CHD8: variants seen among roughly 807,000 people sequenced by gnomAD.
CHD8 encodes the protein chromodomain helicase DNA binding protein 8, also known as ATP-dependent chromatin remodeler CHD8.
Under a neutral mutation model 279.2 loss-of-function variants are expected in CHD8, and 31 were observed. That is an observed-to-expected ratio of 0.11 (90% CI 0.08 to 0.15). The LOEUF (loss-of-function observed/expected upper bound fraction) is 0.15, where lower values mean the gene tolerates loss of function less well. Among genes scored for constraint, CHD8 ranks in the 10% least tolerant of loss-of-function variants. The pLI, the probability that CHD8 is intolerant of heterozygous loss-of-function variation, is 1.00. For synonymous variants in CHD8, 1,081 were observed against 1,139.6 expected, an observed-to-expected ratio of 0.95 and a Z score of 1.04; for missense variants, 2,146 against 3,230.5, an observed-to-expected ratio of 0.66 and a Z score of 8.14.
chr14:21,450,044 G>T (rs543665110), intron 1 of CHD8, among the ~76,000 whole-genome samples: 4 of 152,178 alleles, frequency 2.6e-5, no homozygotes, highest in Admixed American at 6.5e-5. Context: ...CTGAGTAGAA[G>T]AAATGAAAAA....
chr14:21,434,265 G>A (rs1019674432), intron 1 of CHD8, among the ~76,000 whole-genome samples: 10 of 151,848 alleles, frequency 6.6e-5, no homozygotes, highest in African/African-American at 2.4e-4. Flanking sequence ...GACTGGTCTC[G>A]GACTCTCGAC....
rs549680918 is a variant in CHD8, at chr14:21,412,961, C to T, written c.2178G>A (p.Val726=). The change falls in exon 10 of 38, where the codon GTG becomes GTA. Residue 726 remains valine, a synonymous_variant. Transcript: ENST00000646647. The part of the protein sequence containing the change: ...EEPFNPDYVE[V]DRILDESHSI... ...TGTGAGACTCATCCAATATCCTATC[C>T]ACCTCTACGTAGTCTGGATTAAAGG... 1 of 1,611,120 alleles carries T rather than the reference C, an allele frequency of 6.2e-7. No individual in the cohort carries two copies. Among genetic ancestry groups the T allele is most frequent in the East Asian group, 2.2e-5 (1 of 44,868 alleles).
chr14:21,453,038 G>A (rs751954765), intron 1 of CHD8, among the ~76,000 whole-genome samples: 4 of 151,502 alleles, frequency 2.6e-5, no homozygotes, highest in African/African-American at 4.9e-5. Flanking sequence ...GCTGGGTGTG[G>A]TGGCCCACAC....
Position 21,428,046 on chromosome 14 carries a change from C to T in CHD8, c.1424G>A (p.Arg475His), listed in dbSNP as rs2139531622. The T allele has an allele frequency of 1.9e-6, 3 of 1,614,042 alleles. No individual in the cohort carries two copies. The highest frequency in any genetic ancestry group is 1.3e-5 in the African/African-American group (1 of 75,046). The change falls in exon 4 of 38, where the codon CGC (arginine) becomes CAC (histidine). Residue 475 changes from arginine (R) to histidine (H), a missense_variant. By Grantham distance (29) the Arg-to-His change is conservative. Around this residue, in one of 26 missense-constraint regions of CHD8, gnomAD observed 14 missense variants for 42.4 expected, o/e 0.33. Transcript: ENST00000646647. ...GACTCGAGGTATGTTCTGCTCACCG[C>T]GGGCACGGGCTCTCGCAATGGCCTC... ...VAEAIARARA[R>H]GEQNIPRVLN...
chr14:21,403,290 C>A lies in CHD8; in HGVS notation c.3519-78G>T. 1.4e-6 allele frequency: 2 copies of A among 1,407,436 alleles called. No homozygotes were observed. The highest frequency in any genetic ancestry group is 2.3e-5 in the East Asian group (1 of 43,042). The allele number at this position is 1,407,436 out of a possible 1,614,324, so 87.2% of individuals were successfully genotyped here. ...CAAAACAGCAGGCTAGGATCAATAC[C>A]AGTACTCCCATATCAAAGCTGGTCA... is the stretch of plus-strand genomic sequence containing the variant. On this transcript the variant is annotated intron_variant, in intron 17 of 37. Coordinates refer to ENST00000646647, the MANE Select transcript of CHD8 (RefSeq NM_001170629.2). This position sits in a 1 kb window ranked among gnomAD's most constrained non-coding sequence, Gnocchi z 4.3.
chr14:21,407,565 AT>A (rs1286194851), intron 13 of CHD8, among the ~76,000 whole-genome samples: 18 of 152,236 alleles, frequency 1.2e-4, no homozygotes, highest in African/African-American at 4.1e-4. Flanking sequence ...ACGATGGATA[AT>A]TCCAATTTTG....
chr14:21,453,282 C>A (rs1268622537), intron 1 of CHD8, among the ~76,000 whole-genome samples: 1 of 151,820 alleles, frequency 6.6e-6, no homozygotes, highest in African/African-American at 2.4e-5. Flanking sequence ...ATGGTGAAAC[C>A]CCGTCTCTAC....
Position 21,389,691 on chromosome 14 carries a change from A to C in CHD8, c.7182+1256T>G, listed in dbSNP as rs117992994. On this transcript the variant is annotated intron_variant, in intron 37 of 37. Transcript: ENST00000646647. The stretch of plus-strand genomic sequence containing the variant: ...TAGCCAAGAGAAACTTTTGCAGTTG[A>C]AATTTGGTGGAAAGAATAAACTGTG... Among the ~76,000 whole-genome samples, 727 of 152,366 alleles carry C rather than the reference A, an allele frequency of 4.8e-3. 4 individuals carry two copies. The highest frequency in any genetic ancestry group is 0.012 in the Admixed American group (184 of 15,302).
intron 1 of CHD8, among the ~76,000 whole-genome samples, chr14:21,444,476 T>C (rs1452020436): frequency 6.6e-6 from 1 of 152,184 alleles, no homozygotes; most frequent in African/African-American, 2.4e-5. Context: ...TTCTAGAGTC[T>C]GAAGATCATG....
chr14:21,415,946 T>A (rs375370633), intron 5 of CHD8, 39 bp from the exon 6 acceptor site: 77 of 1,533,928 alleles, frequency 5.0e-5, no homozygotes, highest in Middle Eastern at 1.7e-4. Context: ...TAGTTAGGTC[T>A]CTCACAGAGA....
At position 21,397,814 on chromosome 14, in the gene CHD8, A is replaced by C. The variant is rs374072718; in HGVS notation, c.5051+9T>G. The C allele has an allele frequency of 4.1e-5, 66 of 1,612,688 alleles. No homozygotes were observed. Among genetic ancestry groups the C allele is most frequent in the Non-Finnish European group, 5.5e-5 (65 of 1,179,216 alleles). ...TTAGAGTTTTAAAAGAACAAATACT[A>C]ATGCTTACCCTTCTACTATGTCAGA... On this transcript the variant is annotated intron_variant, in intron 27 of 37. Transcript: ENST00000646647.
At chr14:21,390,814 G>A (rs1887498764) in intron 37 of CHD8, 133 bp downstream of exon 37, 2 of 575,234 alleles carry the variant, frequency 3.5e-6, no homozygotes, top group Admixed American at 3.0e-5. Flanking sequence ...CCTTATTGGT[G>A]AACTCAAGAT....
chr14:21,397,346 G>A (rs547338530), intron 27 of CHD8: 1 of 518,924 alleles, frequency 1.9e-6, no homozygotes, highest in Admixed American at 1.9e-5. Flanking sequence ...ACCCAAACCA[G>A]GGCAACACTG....
chr14:21,438,942 C>T (rs1313463229), intron 1 of CHD8, among the ~76,000 whole-genome samples: 1 of 152,138 alleles, frequency 6.6e-6, no homozygotes, highest in African/African-American at 2.4e-5. Flanking sequence ...GCTTGGCCAA[C>T]ATAGCGAAAC....
chr14:21,432,924 A>C (rs1411066270), intron 1 of CHD8, among the ~76,000 whole-genome samples: 2 of 152,180 alleles, frequency 1.3e-5, no homozygotes, highest in Non-Finnish European at 2.9e-5. Flanking sequence ...CAAATTGTAA[A>C]AAGTTGCCCA....
In CHD8 at chr14:21,394,019, G is replaced by A. The variant is rs1887661881; in HGVS notation, c.5776C>T (p.Pro1926Ser). The stretch of plus-strand genomic sequence containing the variant: ...AGAAGCTCCCCATCATGCCGAACAG[G>A]CTCCCACCATTTGGGCAATTCAGGA... ...PGPELPKWWEPVRHDGELLRG... is the reference protein window; with the variant it reads ...PGPELPKWWESVRHDGELLRG... The change falls in exon 32 of 38, where the codon CCT (proline) becomes TCT (serine). Residue 1926 changes from proline (P) to serine (S), a missense_variant. Around this residue, in one of 26 missense-constraint regions of CHD8, gnomAD observed 513 missense variants for 637.6 expected, o/e 0.80. Transcript: ENST00000646647. 1.9e-6 allele frequency: 3 copies of A among 1,613,732 alleles called. No individual in the cohort carries two copies. Among genetic ancestry groups the A allele is most frequent in the Non-Finnish European group, 2.5e-6 (3 of 1,179,852 alleles).
chr14:21,433,236 G>C (rs1373471119), intron 1 of CHD8, among the ~76,000 whole-genome samples: 1 of 152,192 alleles, frequency 6.6e-6, no homozygotes, highest in Non-Finnish European at 1.5e-5. Flanking sequence ...ACATGAGATG[G>C]TAAAAAGCTT....
chr14:21,401,168 T>TATCACAATTA, intron 21 of CHD8, 97 bp from the exon 22 acceptor site: 1 of 987,942 alleles, frequency 1.0e-6, no homozygotes, highest in Non-Finnish European at 1.5e-6. Flanking sequence ...GGATGTAACG[T>TATCACAATTA]GTAGATACTC....
intron 5 of CHD8, among the ~76,000 whole-genome samples, chr14:21,423,209 T>C (rs1594369713): frequency 6.6e-6 from 1 of 151,998 alleles, no homozygotes; most frequent in Admixed American, 6.6e-5. Flanking sequence ...CAGAGCAGAC[T>C]CTATCTCAAA....
Sources: gnomAD v4.1 joint callset for allele counts (sites outside exome capture counted in the v4.1 genomes callset) on GRCh38, gnomAD v4.1.1 for gene constraint, gnomAD v4.1.1 regional missense constraint, Gnocchi (gnomAD v3.1) non-coding constraint, MANE v1.5 for transcripts, NCBI Gene and HGNC (gene_info 2026-07-23, HGNC 2026-07-21) for gene names.